DEPDC4: variants seen among roughly 807,000 people sequenced by gnomAD.
DEPDC4 encodes DEP domain-containing protein 4.
Under a neutral mutation model 52.0 loss-of-function variants are expected in DEPDC4, and 52 were observed. That is an observed-to-expected ratio of 1.00 (90% CI 0.80 to 1.26). The LOEUF (loss-of-function observed/expected upper bound fraction) is 1.26, where lower values mean the gene tolerates loss of function less well. Ranked by LOEUF, DEPDC4 falls within the 50% of genes most tolerant of loss-of-function variation. The pLI is 0.00. For missense variants in DEPDC4, 530 were observed against 546.9 expected (o/e 0.97, Z 0.31); for synonymous variants, 201 against 196.8 (o/e 1.02, Z -0.18).
At chr12:100,251,334 A>G (rs1174599096) in intron 7 of DEPDC4, among the ~76,000 whole-genome samples, 5 of 152,212 alleles carry the variant, frequency 3.3e-5, no homozygotes, top group African/African-American at 4.8e-5. Flanking sequence ...GTCTGGTACT[A>G]AAATATAATA....
chr12:100,257,211 G>A (rs994985179), intron 3 of DEPDC4, among the ~76,000 whole-genome samples: 2 of 151,996 alleles, frequency 1.3e-5, no homozygotes, highest in African/African-American at 2.4e-5. Context: ...CAGAGTAGCT[G>A]GGACTACAGG....
intron 8 of DEPDC4, among the ~76,000 whole-genome samples, chr12:100,245,434 T>A (rs952300942): frequency 4.6e-5 from 7 of 152,116 alleles, no homozygotes; most frequent in Non-Finnish European, 1.5e-5. Flanking sequence ...GCTGGGCTAA[T>A]CTTTGTATTT....
At chr12:100,249,377 G>A (rs548396824) in intron 7 of DEPDC4, among the ~76,000 whole-genome samples, 119 of 152,266 alleles carry the variant, frequency 7.8e-4, no homozygotes, top group Non-Finnish European at 8.7e-4. Flanking sequence ...GGCCAGGCGT[G>A]GTGGCTCACA....
At chr12:100,271,281 A>AAAAAAAAAAG (rs869276181), upstream of DEPDC4, among the ~76,000 whole-genome samples, 41 of 128,880 alleles carry the variant, frequency 3.2e-4, no homozygotes, top group African/African-American at 9.1e-4. Context: ...AAAAAAAAAA[A>AAAAAAAAAAG]AGAGAGAGAG....
At chr12:100,256,025 T>G (rs1177958962) in intron 4 of DEPDC4, 24 bp downstream of exon 4, 1 of 1,549,438 alleles carries the variant, frequency 6.5e-7, no homozygotes, top group Admixed American at 2.0e-5. Flanking sequence ...TACAAATTAT[T>G]TGACAATAAA....
chr12:100,260,818 C>T (rs1382366168), intron 3 of DEPDC4, among the ~76,000 whole-genome samples: 1 of 152,044 alleles, frequency 6.6e-6, no homozygotes, highest in Non-Finnish European at 1.5e-5. Flanking sequence ...CTTGCTTGAA[C>T]CTGGGAGGCA....
intron 3 of DEPDC4, among the ~76,000 whole-genome samples, chr12:100,261,165 A>G (rs921403438): frequency 8.2e-5 from 12 of 146,444 alleles, no homozygotes; most frequent in Middle Eastern, 3.2e-3. Context: ...TGGGCAACAG[A>G]GCGAGACTCC....
In DEPDC4 at chr12:100,241,037, G is replaced by A. The variant is rs541643013; in HGVS notation, c.*855C>T. On this transcript the variant is annotated 3_prime_UTR_variant, in exon 10 of 10. Coordinates refer to ENST00000550587, the MANE Select transcript of DEPDC4 (RefSeq NM_001364818.2). ...CCACTGCACTCCAGCCTGGGACAGA[G>A]CAAGACTCCATTTCAAAAACAAAAC... Among the ~76,000 whole-genome samples the A allele has an allele frequency of 6.6e-6, 1 of 152,256 alleles. No individual in the cohort carries two copies. The highest frequency in any genetic ancestry group is 2.1e-4 in the South Asian group (1 of 4,824).
upstream of DEPDC4, among the ~76,000 whole-genome samples, chr12:100,269,851 A>T (rs571956620): frequency 1.4e-4 from 22 of 152,302 alleles, no homozygotes; most frequent in South Asian, 4.4e-3. Context: ...AAGGTTTGAG[A>T]TACTACCTAG....
chr12:100,240,768 T>C lies in DEPDC4; in HGVS notation c.*1124A>G, dbSNP rs1270720476. 2.0e-5 allele frequency among the ~76,000 whole-genome samples: 3 copies of C among 152,128 alleles called. No individual in the cohort carries two copies. Among genetic ancestry groups the C allele is most frequent in the African/African-American group, 7.2e-5 (3 of 41,442 alleles). On this transcript the variant is annotated 3_prime_UTR_variant, in exon 10 of 10. Coordinates refer to ENST00000550587, the MANE Select transcript of DEPDC4 (RefSeq NM_001364818.2). ...TTTGTGGCCTTTTAAATCTACTTCA[T>C]GTGGCCGGGTGTGGTGGCTCACGCC...
At chr12:100,265,994 C>G (rs1243090451) in intron 1 of DEPDC4, among the ~76,000 whole-genome samples, 1 of 152,114 alleles carries the variant, frequency 6.6e-6, no homozygotes, top group East Asian at 1.9e-4. Context: ...AATTTCAGAC[C>G]ATTGCATCAT....
In DEPDC4 at chr12:100,256,287, A is replaced by G. The variant is rs2096232269; in HGVS notation, c.701-61T>C. On this transcript the variant is annotated intron_variant, in intron 3 of 9. Transcript: ENST00000550587. ...TAAATAAAACATACACATTCAACCA[A>G]TATTATAAATCGTTCTATTTCTAAA... is the stretch of plus-strand genomic sequence containing the variant. 2.5e-5 allele frequency: 31 copies of G among 1,240,472 alleles called. No homozygotes were observed. The South Asian group carries it at 4.7e-4, about 19-fold the overall frequency. 76.8% of individuals were successfully genotyped at this position (1,240,472 alleles called of 1,614,324 possible). A position where few individuals can be genotyped will look rare whatever the true frequency, so the allele number is the denominator to read the frequency against.
Position 100,252,220 on chromosome 12 carries a change from G to T in DEPDC4, c.1330C>A (p.Gln444Lys). The T allele has an allele frequency of 2.3e-6, 3 of 1,307,456 alleles. No homozygotes were observed. The highest frequency in any genetic ancestry group is 2.9e-6 in the Non-Finnish European group (3 of 1,020,222). The allele number at this position is 1,307,456 out of a possible 1,614,324, so 81.0% of individuals were successfully genotyped here. ...AKSLLKVRAEQLVWFPLEYHS... is the reference protein window; with the variant it reads ...AKSLLKVRAEKLVWFPLEYHS... ...TACTCCAGTGGAAACCAGACCAGTTGTTCTGCCCGCACTTTTAATAATGAT... is the reference window on the plus strand; with the variant it reads ...TACTCCAGTGGAAACCAGACCAGTTTTTCTGCCCGCACTTTTAATAATGAT... The change falls in exon 7 of 10, where the codon CAA becomes AAA. Residue 444 changes from glutamine (Q) to lysine (K), a missense_variant. Physicochemically the swap from Gln to Lys is moderately conservative, Grantham distance 53. Coordinates refer to ENST00000550587, the MANE Select transcript of DEPDC4 (RefSeq NM_001364818.2).
chr12:100,250,656 G>A (rs1056291081), intron 7 of DEPDC4, among the ~76,000 whole-genome samples: 2 of 152,196 alleles, frequency 1.3e-5, no homozygotes, highest in Admixed American at 1.3e-4. Flanking sequence ...AGGGGGTAGA[G>A]TGAGAAAGAG....
downstream of DEPDC4, among the ~76,000 whole-genome samples, chr12:100,237,271 G>C (rs1043903701): frequency 6.6e-6 from 1 of 150,608 alleles, no homozygotes. Context: ...GCAGTGGCGT[G>C]ATCTCGGCTC....
At chr12:100,268,020 C>A (rs2096281399), upstream of DEPDC4, among the ~76,000 whole-genome samples, 1 of 152,170 alleles carries the variant, frequency 6.6e-6, no homozygotes, top group Non-Finnish European at 1.5e-5. Context: ...AGGGTTTAGA[C>A]CGATAAAGCT....
chr12:100,250,077 C>T lies in DEPDC4; in HGVS notation c.1375-1099G>A, dbSNP rs2096201441. Among the ~76,000 whole-genome samples, 2 of 152,148 alleles carry T rather than the reference C, an allele frequency of 1.3e-5. 1 individual carries two copies. The highest frequency in any genetic ancestry group is 4.1e-4 in the South Asian group (2 of 4,824). ...CATAAATATCCCCACCTCAGCCTCC[C>T]TGAAATGTATCAGCCTCTAATCTCT... On this transcript the variant is annotated intron_variant, in intron 7 of 9. Coordinates refer to ENST00000550587, the MANE Select transcript of DEPDC4 (RefSeq NM_001364818.2).
At chr12:100,262,884 A>G (rs1390602147) in intron 2 of DEPDC4, among the ~76,000 whole-genome samples, 1 of 152,258 alleles carries the variant, frequency 6.6e-6, no homozygotes, top group East Asian at 1.9e-4. Context: ...GGAATAATAT[A>G]TATTTTTGGT....
the DEPDC4 span, among the ~76,000 whole-genome samples, chr12:100,279,093 T>C: frequency 6.6e-6 from 1 of 152,226 alleles, no homozygotes; most frequent in Non-Finnish European, 1.5e-5. Flanking sequence ...CTTGGAGCTT[T>C]GTATAGCAGC....
Sources: gnomAD v4.1 joint callset for allele counts (sites outside exome capture counted in the v4.1 genomes callset) on GRCh38, gnomAD v4.1.1 for gene constraint, MANE v1.5 for transcripts, NCBI Gene and HGNC (gene_info 2026-07-23, HGNC 2026-07-21) for gene names.